ORC2: variants seen among roughly 807,000 people sequenced by gnomAD.
ORC2 encodes the protein origin recognition complex subunit 2, also known as origin recognition complex protein 2 homolog.
Under a neutral mutation model 77.7 loss-of-function variants are expected in ORC2, and 37 were observed. The ratio of observed to expected loss-of-function variants is 0.48; its 90% confidence interval spans 0.37 to 0.63. ORC2 has a LOEUF of 0.63. Ranked by LOEUF, ORC2 falls within the 20% of genes least tolerant of loss-of-function variation. ORC2 has a pLI of 0.00. For synonymous variants in ORC2, 201 were observed against 229.5 expected (o/e 0.88, Z 1.12); for missense variants, 557 against 661.9 (o/e 0.84, Z 1.74).
At chr2:200,934,301 CAAGT>C (rs992682959) in intron 9 of ORC2, among the ~76,000 whole-genome samples, 15 of 151,852 alleles carry the variant, frequency 9.9e-5, no homozygotes, top group African/African-American at 2.9e-4. Flanking sequence ...TGTTTCTCCT[CAAGT>C]AAGTCTTTTT....
Position 200,925,905 on chromosome 2 carries a change from G to A in ORC2, c.1078C>T (p.Leu360Phe). 1 of 1,589,340 alleles carries A rather than the reference G, an allele frequency of 6.3e-7. No individual in the cohort carries two copies. The highest frequency in any genetic ancestry group is 8.6e-7 in the Non-Finnish European group (1 of 1,160,954). Residue 360 changes from leucine to phenylalanine, a missense_variant, in exon 13 of 18, where the codon CTC becomes TTC. Physicochemically the swap from Leu to Phe is conservative, Grantham distance 22 (BLOSUM62 0). Coordinates refer to ENST00000234296, the MANE Select transcript of ORC2 (RefSeq NM_006190.5). ...CTGCGGAAAGTACCCATATGATCGA[G>A]GACTTCTTCTGTTATAGAATTCAGG... ...SVLNSITEEV[L>F]DHMGTFRSIL...
intron 4 of ORC2, among the ~76,000 whole-genome samples, chr2:200,956,767 G>T (rs902579573): frequency 1.3e-5 from 2 of 152,158 alleles, no homozygotes; most frequent in East Asian, 3.9e-4. Flanking sequence ...GCAAGACCCT[G>T]TCTCTAAAAT....
chr2:200,932,391 G>A (rs909841391), intron 10 of ORC2, among the ~76,000 whole-genome samples: 2 of 144,674 alleles, frequency 1.4e-5, no homozygotes, highest in East Asian at 2.0e-4. Flanking sequence ...CCAGCCTGGA[G>A]TGTGGTGGCA....
rs2040515737 is a variant in ORC2 at position 200,909,454 on chromosome 2, C to G, written c.*1847G>C. 1 of 151,930 alleles carries G rather than the reference C, an allele frequency of 6.6e-6. No homozygotes were observed. The highest frequency in any genetic ancestry group is 6.6e-5 in the Admixed American group (1 of 15,248). 9.4% of individuals were successfully genotyped at this position (151,930 alleles called of 1,614,324 possible). On this transcript the variant is annotated 3_prime_UTR_variant, in exon 18 of 18. Coordinates refer to ENST00000234296, the MANE Select transcript of ORC2 (RefSeq NM_006190.5). The stretch of plus-strand genomic sequence containing the variant: ...CCAGGCATAGTGGCTCACCCCTGAT[C>G]CCAGTACTTTGGGAGGCCGAGGCAG...
At chr2:200,941,949 T>TGCACTCCA (rs370062750) in intron 6 of ORC2, among the ~76,000 whole-genome samples, 5 of 150,832 alleles carry the variant, frequency 3.3e-5, no homozygotes, top group Middle Eastern at 3.2e-3. Flanking sequence ...ATCACACCAC[T>TGCACTCCA]GCACTCCAGC....
chr2:200,913,618 C>A, intron 16 of ORC2: 1 of 1,285,722 alleles, frequency 7.8e-7, no homozygotes, highest in Admixed American at 3.8e-5. Context: ...ATCATTTTTG[C>A]CAAAGGGGAA....
chr2:200,920,164 G>C, intron 15 of ORC2, 58 bp downstream of exon 15: 2 of 1,330,932 alleles, frequency 1.5e-6, no homozygotes, highest in South Asian at 1.4e-5. Context: ...TTAAAACCTA[G>C]TAGTACATAT....
chr2:200,950,288 G>A (rs990600209), intron 4 of ORC2, among the ~76,000 whole-genome samples: 11 of 152,004 alleles, frequency 7.2e-5, no homozygotes, highest in Non-Finnish European at 1.5e-4. Flanking sequence ...CAGAGATTGT[G>A]CCACTGCACT....
At chr2:200,961,241 G>C (rs1215543041) in intron 1 of ORC2, among the ~76,000 whole-genome samples, 1 of 152,144 alleles carries the variant, frequency 6.6e-6, no homozygotes, top group African/African-American at 2.4e-5. Flanking sequence ...CTGGAGTGCA[G>C]TGGTGCGATC....
At position 200,920,267 on chromosome 2, in the gene ORC2, A is replaced by C. The variant is rs777763594; in HGVS notation, c.1421T>G (p.Leu474Arg). The change falls in exon 15 of 18, where the codon CTT becomes CGT. Residue 474 changes from leucine (L) to arginine (R), a missense_variant. By Grantham distance (102) the Leu-to-Arg change is moderately radical. Transcript: ENST00000234296. ...LLVKQSGSLPLSSLTHVLRSL... is the reference protein window; with the variant it reads ...LLVKQSGSLPRSSLTHVLRSL... ...TCGTAAGACATGAGTAAGGGAGCTAAGTGGCAGGGATCCAGACTGCTTTAC... is the reference window on the plus strand; with the variant it reads ...TCGTAAGACATGAGTAAGGGAGCTACGTGGCAGGGATCCAGACTGCTTTAC... The C allele has an allele frequency of 6.5e-5, 105 of 1,613,820 alleles. No individual in the cohort carries two copies. Among genetic ancestry groups the C allele is most frequent in the Non-Finnish European group, 8.6e-5 (102 of 1,179,904 alleles).
intron 10 of ORC2, among the ~76,000 whole-genome samples, 171 bp downstream of exon 10, chr2:200,933,705 C>T (rs1343236003): frequency 1.3e-5 from 2 of 152,056 alleles, no homozygotes; most frequent in Admixed American, 1.3e-4. Flanking sequence ...CAGGTGTGCC[C>T]GGCCTATTTA....
chr2:200,939,596 C>CTT (rs920645524), intron 7 of ORC2, among the ~76,000 whole-genome samples: 1 of 152,180 alleles, frequency 6.6e-6, no homozygotes, highest in African/African-American at 2.4e-5. Flanking sequence ...ATGTCCCTAA[C>CTT]TTTGCCCAAT....
At chr2:200,936,668 AAT>A (rs2041052688) in intron 8 of ORC2, among the ~76,000 whole-genome samples, 1 of 152,204 alleles carries the variant, frequency 6.6e-6, no homozygotes, top group Non-Finnish European at 1.5e-5. Flanking sequence ...CATACTAACT[AAT>A]ATAGCACTCA....
chr2:200,957,337 TGTATCCTATAAAGC>T (rs2041486480), intron 4 of ORC2, 50 bp downstream of exon 4: 13 of 1,255,160 alleles, frequency 1.0e-5, no homozygotes, highest in Non-Finnish European at 1.3e-5. Context: ...ACTACTTTTG[TGTATCCTATAAAGC>T]AATTTCTGCT....
At chr2:200,918,517 C>T (rs2040698299) in intron 15 of ORC2, among the ~76,000 whole-genome samples, 1 of 149,810 alleles carries the variant, frequency 6.7e-6, no homozygotes, top group Non-Finnish European at 1.5e-5. Flanking sequence ...GAGACAGAGG[C>T]TCACTCTGTC....
At chr2:200,926,669 G>T (rs1288989645) in intron 12 of ORC2, 99 bp downstream of exon 12, 4 of 1,229,412 alleles carry the variant, frequency 3.3e-6, no homozygotes, top group Admixed American at 1.9e-5. Flanking sequence ...TACCGTGAAG[G>T]CTAAAACAAA....
chr2:200,923,653 AT>A (rs1247531483), intron 13 of ORC2, among the ~76,000 whole-genome samples: 1 of 152,240 alleles, frequency 6.6e-6, no homozygotes, highest in African/African-American at 2.4e-5. Flanking sequence ...ATACACAGGT[AT>A]TTTTTCCCCA....
chr2:200,935,939 G>A, intron 8 of ORC2, 47 bp from the exon 9 acceptor site: 1 of 1,547,238 alleles, frequency 6.5e-7, no homozygotes, highest in Non-Finnish European at 8.8e-7. Context: ...GGTTTGACAA[G>A]AGAGGCATTG....
intron 13 of ORC2, among the ~76,000 whole-genome samples, chr2:200,923,703 T>C (rs1272480424): frequency 6.6e-6 from 1 of 152,092 alleles, no homozygotes; most frequent in African/African-American, 2.4e-5. Context: ...GAACACTAGA[T>C]AGCATTTTAA....
Sources: gnomAD v4.1 joint callset for allele counts (sites outside exome capture counted in the v4.1 genomes callset) on GRCh38, gnomAD v4.1.1 for gene constraint, MANE v1.5 for transcripts, NCBI Gene and HGNC (gene_info 2026-07-23, HGNC 2026-07-21) for gene names.